MAPK10: variants seen among roughly 807,000 people sequenced by gnomAD.
MAPK10 encodes the protein mitogen-activated protein kinase 10.
MAPK10 carries 25 observed loss-of-function variants against 59.3 expected under a neutral mutation model. That is an observed-to-expected ratio of 0.42 (90% CI 0.31 to 0.59). The LOEUF (loss-of-function observed/expected upper bound fraction) is 0.59, where lower values mean the gene tolerates loss of function less well. Among genes scored for constraint, MAPK10 ranks in the 20% least tolerant of loss-of-function variants. The pLI, the probability that MAPK10 is intolerant of heterozygous loss-of-function variation, is 0.15. For synonymous variants in MAPK10, 190 were observed against 200.5 expected, an observed-to-expected ratio of 0.95 and a Z score of 0.44; for missense variants, 351 against 568.9, an observed-to-expected ratio of 0.62 and a Z score of 3.90.
At chr4:86,421,960 C>A (rs927213698) in intron 1 of MAPK10, among the ~76,000 whole-genome samples, 5 of 152,188 alleles carry the variant, frequency 3.3e-5, no homozygotes, top group Non-Finnish European at 7.3e-5. Flanking sequence ...TCCAGCCTCA[C>A]TCCTTTGCCG....
At chr4:86,191,823 C>G (rs935396840) in intron 3 of MAPK10, 3 of 151,870 alleles carry the variant, frequency 2.0e-5, no homozygotes, top group African/African-American at 4.8e-5. Context: ...ATGATGTCAG[C>G]TGGTTATTTT....
intron 1 of MAPK10, among the ~76,000 whole-genome samples, chr4:86,501,590 C>A (rs1274057591): frequency 6.6e-6 from 1 of 151,750 alleles, no homozygotes; most frequent in East Asian, 1.9e-4. Context: ...CCATAATATC[C>A]ATCTATAACT....
intron 2 of MAPK10, among the ~76,000 whole-genome samples, chr4:86,258,176 T>C (rs751391617): frequency 1.5e-4 from 23 of 152,198 alleles, no homozygotes; most frequent in Non-Finnish European, 8.8e-5. Context: ...AGGATCTCTA[T>C]TGTCATTACC....
intron 9 of MAPK10, among the ~76,000 whole-genome samples, chr4:86,097,016 T>A (rs2054349123): frequency 6.6e-6 from 1 of 151,924 alleles, no homozygotes; most frequent in South Asian, 2.1e-4. Flanking sequence ...TATACGTAGT[T>A]TTAAGTTTAA....
chr4:86,507,615 G>GATATATATATATATAT (rs767683551), intron 1 of MAPK10, among the ~76,000 whole-genome samples: 1 of 35,648 alleles, frequency 2.8e-5, no homozygotes, highest in Admixed American at 3.5e-4. Flanking sequence ...ATAAACTGGA[G>GATATATATATATATAT]ATATATATAT....
intron 4 of MAPK10, among the ~76,000 whole-genome samples, chr4:86,141,588 C>T (rs975622062): frequency 3.3e-5 from 5 of 152,062 alleles, no homozygotes; most frequent in Non-Finnish European, 5.9e-5. Flanking sequence ...AAAAGCCATT[C>T]CTGGGGTAAT....
At chr4:86,265,482 T>C (rs2094195192) in intron 2 of MAPK10, among the ~76,000 whole-genome samples, 1 of 149,206 alleles carries the variant, frequency 6.7e-6, no homozygotes. Flanking sequence ...GCACTCCAGC[T>C]GGGGTGACAG....
At chr4:86,532,524 G>A (rs1025247640) in intron 1 of MAPK10, among the ~76,000 whole-genome samples, 1 of 152,134 alleles carries the variant, frequency 6.6e-6, no homozygotes, top group Non-Finnish European at 1.5e-5. Context: ...TCCAGCTATC[G>A]GTCCTAACGC....
intron 2 of MAPK10, among the ~76,000 whole-genome samples, chr4:86,318,514 C>G (rs2095832109): frequency 1.3e-5 from 2 of 152,034 alleles, no homozygotes; most frequent in African/African-American, 4.8e-5. Flanking sequence ...CTTCAGTAAT[C>G]CATGGGAAGA....
At chr4:86,532,541 C>T (rs1757926240) in intron 1 of MAPK10, among the ~76,000 whole-genome samples, 1 of 152,222 alleles carries the variant, frequency 6.6e-6, no homozygotes, top group African/African-American at 2.4e-5. Context: ...ACGCCACCTC[C>T]TCTGGAGTAA....
intron 1 of MAPK10, among the ~76,000 whole-genome samples, chr4:86,518,994 C>T (rs1383904245): frequency 1.3e-5 from 2 of 151,968 alleles, no homozygotes; most frequent in Non-Finnish European, 2.9e-5. Context: ...GATATAATTT[C>T]GATTTTTTTA....
At chr4:86,432,640 T>C (rs1047761944) in intron 1 of MAPK10, among the ~76,000 whole-genome samples, 4 of 152,080 alleles carry the variant, frequency 2.6e-5, no homozygotes, top group African/African-American at 7.2e-5. Context: ...AAGATGGAGA[T>C]TTCCATGCAG....
intron 1 of MAPK10, among the ~76,000 whole-genome samples, chr4:86,532,720 C>G (rs374399441): frequency 1.3e-5 from 2 of 152,166 alleles, no homozygotes; most frequent in African/African-American, 4.8e-5. Context: ...AGAGTCTTTC[C>G]CTCCACTTTT....
chr4:86,044,949 C>T (rs988243859), intron 11 of MAPK10, among the ~76,000 whole-genome samples: 3 of 151,960 alleles, frequency 2.0e-5, no homozygotes, highest in Non-Finnish European at 4.4e-5. Context: ...ACTTGCAATG[C>T]GAAAAGCATG....
At chr4:86,369,134 C>T (rs1738364084) in intron 1 of MAPK10, among the ~76,000 whole-genome samples, 1 of 152,112 alleles carries the variant, frequency 6.6e-6, no homozygotes, top group Admixed American at 6.6e-5. Context: ...ATTCAACTTC[C>T]CACTCTGCGG....
intron 9 of MAPK10, among the ~76,000 whole-genome samples, chr4:86,087,522 G>A (rs1207445250): frequency 6.6e-6 from 1 of 152,092 alleles, no homozygotes; most frequent in Non-Finnish European, 1.5e-5. Flanking sequence ...TAGCATTAAT[G>A]TTGATGTGGT....
chr4:86,483,310 TAACAAAAGACACTGC>T (rs1385260436), intron 1 of MAPK10, among the ~76,000 whole-genome samples: 2 of 152,098 alleles, frequency 1.3e-5, no homozygotes, highest in Non-Finnish European at 1.5e-5. Flanking sequence ...GTTAACAACT[TAACAAAAGACACTGC>T]ATTTGATTAT....
chr4:86,059,748 CG>C (rs1400621172), intron 11 of MAPK10, among the ~76,000 whole-genome samples: 1 of 151,998 alleles, frequency 6.6e-6, no homozygotes, highest in Non-Finnish European at 1.5e-5. Context: ...TGGAGGATGT[CG>C]TGTGTCCTTA....
At chr4:86,307,080 A>G (rs2148860984) in intron 2 of MAPK10, among the ~76,000 whole-genome samples, 1 of 152,278 alleles carries the variant, frequency 6.6e-6, no homozygotes, top group African/African-American at 2.4e-5. Context: ...ATACTGGGGG[A>G]AAAAAGAAGC....
Sources: allele counts gnomAD v4.1 joint callset (sites outside exome capture counted in the v4.1 genomes callset), GRCh38; gene constraint gnomAD v4.1.1; transcripts MANE v1.5; gene names NCBI Gene and HGNC (gene_info 2026-07-23, HGNC 2026-07-21).